The following WFDC1 variants were observed in gnomAD, a reference collection of about 807,000 sequenced individuals.
The protein encoded by WFDC1 is WAP four-disulfide core domain protein 1.
A neutral mutation model predicts 32.9 loss-of-function variants in WFDC1; 39 were observed. That is an observed-to-expected ratio of 1.19 (90% CI 0.92 to 1.55). WFDC1 has a LOEUF of 1.55. Ranked by LOEUF, WFDC1 falls within the 40% of genes most tolerant of loss-of-function variation. The pLI is 0.00. For synonymous variants in WFDC1, 184 were observed against 137.4 expected, an observed-to-expected ratio of 1.34 and a Z score of -2.37; for missense variants, 386 against 309.5, an observed-to-expected ratio of 1.25 and a Z score of -1.85.
At chr16:84,299,590 G>A (rs1179796176) in intron 1 of WFDC1, among the ~76,000 whole-genome samples, 1 of 152,218 alleles carries the variant, frequency 6.6e-6, no homozygotes. Flanking sequence ...ACTGTGTCAG[G>A]GCAAGAGTTT....
chr16:84,298,212 A>G (rs1403622440), intron 1 of WFDC1, among the ~76,000 whole-genome samples: 1 of 151,546 alleles, frequency 6.6e-6, no homozygotes, highest in Non-Finnish European at 1.5e-5. Flanking sequence ...GGCTCAAGTG[A>G]TTCTTGTGCC....
chr16:84,296,210 G>A (rs1906588523), intron 1 of WFDC1, among the ~76,000 whole-genome samples: 1 of 152,238 alleles, frequency 6.6e-6, no homozygotes, highest in Non-Finnish European at 1.5e-5. Flanking sequence ...GTCTCAGTAT[G>A]TAGAACGTCT....
At chr16:84,319,047 C>T (rs1208664745) in intron 3 of WFDC1, 2 of 256,226 alleles carry the variant, frequency 7.8e-6, no homozygotes, top group Non-Finnish European at 1.5e-5. Context: ...GGGATGCGTG[C>T]GTATATGTCT....
At chr16:84,320,530 AAAAG>A (rs1339550448) in intron 4 of WFDC1, among the ~76,000 whole-genome samples, 1 of 152,252 alleles carries the variant, frequency 6.6e-6, no homozygotes, top group Non-Finnish European at 1.5e-5. Flanking sequence ...TTTTCCCAAG[AAAAG>A]AAAGAACAAT....
At chr16:84,303,000 G>A (rs1015091078) in intron 1 of WFDC1, among the ~76,000 whole-genome samples, 26 of 150,850 alleles carry the variant, frequency 1.7e-4, no homozygotes, top group African/African-American at 3.4e-4. Flanking sequence ...CGACTTTGCC[G>A]TCTCGTGAAT....
At chr16:84,322,414 CT>C (rs1278102353) in intron 4 of WFDC1, among the ~76,000 whole-genome samples, 1 of 152,102 alleles carries the variant, frequency 6.6e-6, no homozygotes, top group Non-Finnish European at 1.5e-5. Flanking sequence ...AAGGAAGAAG[CT>C]TTTTATTTAA....
intron 1 of WFDC1, among the ~76,000 whole-genome samples, chr16:84,302,699 A>T (rs973431421): frequency 1.7e-4 from 26 of 152,280 alleles, no homozygotes; most frequent in African/African-American, 5.8e-4. Context: ...GCTTTTGCAG[A>T]TGACCACAAA....
At chr16:84,302,250 G>A (rs1210942193) in intron 1 of WFDC1, among the ~76,000 whole-genome samples, 2 of 152,170 alleles carry the variant, frequency 1.3e-5, no homozygotes, top group African/African-American at 4.8e-5. Flanking sequence ...CAGAGGTTCT[G>A]CCTGGGGTGA....
intron 4 of WFDC1, among the ~76,000 whole-genome samples, chr16:84,321,236 G>C (rs1162942479): frequency 6.6e-6 from 1 of 152,180 alleles, no homozygotes; most frequent in Non-Finnish European, 1.5e-5. Flanking sequence ...TACTTCACAG[G>C]GCTCTTTGAG....
At chr16:84,295,267 G>T in intron 1 of WFDC1, 152 bp downstream of exon 1, 1 of 1,015,286 alleles carries the variant, frequency 9.8e-7, no homozygotes, top group Non-Finnish European at 1.4e-6. Flanking sequence ...TCTGAGTTGT[G>T]TGGTGGGCAG....
At chr16:84,314,125 C>T (rs796812708) in intron 2 of WFDC1, among the ~76,000 whole-genome samples, 13 of 152,210 alleles carry the variant, frequency 8.5e-5, no homozygotes, top group African/African-American at 2.6e-4. Flanking sequence ...CAGCACTGCG[C>T]GGGGCTGGGA....
chr16:84,299,668 G>T (rs957682586), intron 1 of WFDC1, among the ~76,000 whole-genome samples: 2 of 152,210 alleles, frequency 1.3e-5, no homozygotes, highest in Non-Finnish European at 1.5e-5. Context: ...GCCACCATGC[G>T]GGCCTCGGTG....
At chr16:84,298,971 G>A (rs1906770848) in intron 1 of WFDC1, among the ~76,000 whole-genome samples, 1 of 152,178 alleles carries the variant, frequency 6.6e-6, no homozygotes, top group Non-Finnish European at 1.5e-5. Flanking sequence ...CTGCTTTGCA[G>A]GGCTCAGTAA....
chr16:84,305,194 C>T (rs546556511), intron 1 of WFDC1, among the ~76,000 whole-genome samples: 2 of 152,378 alleles, frequency 1.3e-5, no homozygotes, highest in East Asian at 3.9e-4. Context: ...TAAGAGCTTA[C>T]TAAATGCTGC....
At chr16:84,300,345 G>A (rs1205549056) in intron 1 of WFDC1, among the ~76,000 whole-genome samples, 1 of 152,234 alleles carries the variant, frequency 6.6e-6, no homozygotes, top group Non-Finnish European at 1.5e-5. Flanking sequence ...GTTTCTCCAA[G>A]GTCCACTGGG....
At chr16:84,325,113 A>T (rs1453800909) in intron 5 of WFDC1, among the ~76,000 whole-genome samples, 2 of 151,420 alleles carry the variant, frequency 1.3e-5, no homozygotes, top group African/African-American at 4.9e-5. Flanking sequence ...CCATCCTTTC[A>T]TTTACTTACC....
chr16:84,307,113 A>G (rs1907310232), intron 1 of WFDC1, among the ~76,000 whole-genome samples: 1 of 152,048 alleles, frequency 6.6e-6, no homozygotes, highest in African/African-American at 2.4e-5. Flanking sequence ...AGAATGAGTA[A>G]GGAGGGGAGT....
chr16:84,313,381 T>C (rs537026903), intron 2 of WFDC1, among the ~76,000 whole-genome samples: 1 of 152,256 alleles, frequency 6.6e-6, no homozygotes, highest in South Asian at 2.1e-4. Context: ...TTGTAGGAGA[T>C]GCCCTTCCAG....
At chr16:84,315,697 C>T (rs1384022344) in intron 2 of WFDC1, among the ~76,000 whole-genome samples, 1 of 152,172 alleles carries the variant, frequency 6.6e-6, no homozygotes, top group Non-Finnish European at 1.5e-5. Flanking sequence ...CAACCTCTAC[C>T]CCAAGTTGTG....
Sources: gnomAD v4.1 joint callset for allele counts (sites outside exome capture counted in the v4.1 genomes callset) on GRCh38, gnomAD v4.1.1 for gene constraint, MANE v1.5 for transcripts, NCBI Gene and HGNC (gene_info 2026-07-23, HGNC 2026-07-21) for gene names.